The following ACYP2 variants were observed in gnomAD, a reference collection of about 807,000 sequenced individuals.
ACYP2 encodes the protein acylphosphatase 2, also known as acylphosphatase-2.
In ACYP2, 12 loss-of-function variants were observed where a neutral mutation model predicts 11.2. That is an observed-to-expected ratio of 1.08 (90% CI 0.69 to 1.74). The LOEUF is 1.74. ACYP2 is among the 40% of genes most tolerant of loss of function. The probability of loss-of-function intolerance (pLI) is 0.00; values close to 1 mark genes in which losing one functional copy is unlikely to be tolerated. For missense variants in ACYP2, 134 were observed against 101.9 expected (o/e 1.31, Z -1.35); for synonymous variants, 43 against 32.2 (o/e 1.33, Z -1.13).
intron 4 of ACYP2, among the ~76,000 whole-genome samples, chr2:54,099,120 T>C (rs1318094834): frequency 6.6e-6 from 1 of 152,230 alleles, no homozygotes; most frequent in Non-Finnish European, 1.5e-5. Flanking sequence ...TCACCTGCTG[T>C]TCCTTTTTTC....
At chr2:54,298,989 C>A (rs369410382) in intron 6 of ACYP2, among the ~76,000 whole-genome samples, 103 of 152,222 alleles carry the variant, frequency 6.8e-4, no homozygotes, top group African/African-American at 2.4e-3. Context: ...CTGACCTCAA[C>A]TGATCCACCC....
chr2:53,976,207 CATA>C (rs1671477628), intron 2 of ACYP2, among the ~76,000 whole-genome samples: 1 of 152,116 alleles, frequency 6.6e-6, no homozygotes, highest in Admixed American at 6.6e-5. Context: ...TTGCCAGAAA[CATA>C]ATCTTTTTTT....
At chr2:54,069,386 G>T (rs1171285190) in intron 4 of ACYP2, among the ~76,000 whole-genome samples, 2 of 152,158 alleles carry the variant, frequency 1.3e-5, no homozygotes, top group African/African-American at 4.8e-5. Context: ...ATACAGGCTG[G>T]GCACGGTGGC....
intron 6 of ACYP2, among the ~76,000 whole-genome samples, chr2:54,258,359 A>G (rs901609423): frequency 6.6e-6 from 1 of 152,206 alleles, no homozygotes; most frequent in African/African-American, 2.4e-5. Context: ...GCATTTCAGC[A>G]CGAGAAGTGC....
intron 2 of ACYP2, among the ~76,000 whole-genome samples, chr2:53,984,097 A>T (rs746673980): frequency 6.6e-6 from 1 of 152,142 alleles, no homozygotes; most frequent in African/African-American, 2.4e-5. Flanking sequence ...CATCATCATA[A>T]CAAAGGTACC....
At chr2:54,035,265 C>CTTT (rs895749612) in intron 2 of ACYP2, among the ~76,000 whole-genome samples, 4 of 126,022 alleles carry the variant, frequency 3.2e-5, no homozygotes, top group Non-Finnish European at 6.6e-5. Context: ...TTTTCTTTTT[C>CTTT]TTTTTTTTTT....
chr2:53,997,999 C>G (rs1386002642), intron 2 of ACYP2, among the ~76,000 whole-genome samples: 1 of 152,050 alleles, frequency 6.6e-6, no homozygotes, highest in Non-Finnish European at 1.5e-5. Context: ...ATCAAAAACT[C>G]TTTGAAATGT....
At chr2:54,185,088 T>C (rs957907415) in intron 6 of ACYP2, among the ~76,000 whole-genome samples, 1 of 152,148 alleles carries the variant, frequency 6.6e-6, no homozygotes, top group Admixed American at 6.5e-5. Context: ...GCAATTCTAA[T>C]TATAATGAAA....
chr2:54,070,083 C>A (rs1388479758), intron 4 of ACYP2, among the ~76,000 whole-genome samples: 2 of 152,136 alleles, frequency 1.3e-5, no homozygotes, highest in African/African-American at 4.8e-5. Flanking sequence ...CCAGCCTGAC[C>A]AACATGGAAA....
chr2:54,114,788 T>C (rs1333085385), intron 4 of ACYP2, among the ~76,000 whole-genome samples: 3 of 152,084 alleles, frequency 2.0e-5, no homozygotes, highest in Non-Finnish European at 4.4e-5. Context: ...AAAGACTTCA[T>C]ATTTTTAAAA....
chr2:54,033,309 G>A (rs568061505), intron 2 of ACYP2, among the ~76,000 whole-genome samples: 17 of 151,288 alleles, frequency 1.1e-4, no homozygotes, highest in Non-Finnish European at 1.8e-4. Flanking sequence ...GCTATCTTCC[G>A]ACCTCACCCT....
chr2:54,104,366 C>T (rs1483727415), intron 4 of ACYP2, among the ~76,000 whole-genome samples: 1 of 152,078 alleles, frequency 6.6e-6, no homozygotes, highest in Non-Finnish European at 1.5e-5. Context: ...CCACTATGTA[C>T]CTTTGGTATT....
rs367645786 is a variant in ACYP2, at chr2:54,276,619, T to TCACACACACACACACACAAACACACA, written c.405-28051_405-28050insAACACACACACACACACACACACACA. 2.7e-3 allele frequency among the ~76,000 whole-genome samples: 399 copies of TCACACACACACACACACAAACACACA among 146,206 alleles called. 1 individual carries two copies. Among genetic ancestry groups the TCACACACACACACACACAAACACACA allele is most frequent in the African/African-American group, 9.3e-3 (374 of 40,022 alleles). On this transcript the variant is annotated intron_variant, in intron 6 of 6. Coordinates refer to ENST00000607452, the MANE Select transcript of ACYP2 (RefSeq NM_001320586.2). ...TTTTCTTTGGGTTCAGATTGTTCTT[T>TCACACACACACACACACAAACACACA]CACACACACACACACACACACACAC...
intron 6 of ACYP2, among the ~76,000 whole-genome samples, chr2:54,204,449 A>T (rs1684992189): frequency 3.3e-5 from 5 of 152,120 alleles, no homozygotes; most frequent in Admixed American, 3.3e-4. Flanking sequence ...TTGCCTGGAC[A>T]CAAGATTCTT....
intron 6 of ACYP2, among the ~76,000 whole-genome samples, chr2:54,185,426 G>T (rs983767654): frequency 2.0e-5 from 3 of 152,088 alleles, no homozygotes; most frequent in African/African-American, 7.2e-5. Context: ...TGGTATTGAG[G>T]GCCATTGTTT....
chr2:53,973,199 A>G (rs1011039489), intron 1 of ACYP2, among the ~76,000 whole-genome samples: 2 of 152,230 alleles, frequency 1.3e-5, no homozygotes, highest in Non-Finnish European at 2.9e-5. Context: ...GATAAAGCGC[A>G]TAAGAACAGT....
chr2:54,149,756 C>T (rs1682060947), intron 6 of ACYP2, among the ~76,000 whole-genome samples: 1 of 152,074 alleles, frequency 6.6e-6, no homozygotes. Context: ...CTCTGCACTT[C>T]AAAGGATTAT....
chr2:54,016,092 C>G (rs1186759638), intron 2 of ACYP2, among the ~76,000 whole-genome samples: 1 of 151,982 alleles, frequency 6.6e-6, no homozygotes, highest in Non-Finnish European at 1.5e-5. Flanking sequence ...TCCTGTTCCA[C>G]CTAAATTGCT....
intron 6 of ACYP2, among the ~76,000 whole-genome samples, chr2:54,159,526 T>TA (rs1682613789): frequency 6.6e-6 from 1 of 152,118 alleles, no homozygotes; most frequent in Non-Finnish European, 1.5e-5. Context: ...TTTGAATAGT[T>TA]AAAGTATTTT....
Sources: gnomAD v4.1 joint callset for allele counts (sites outside exome capture counted in the v4.1 genomes callset) on GRCh38, gnomAD v4.1.1 for gene constraint, MANE v1.5 for transcripts, NCBI Gene and HGNC (gene_info 2026-07-23, HGNC 2026-07-21) for gene names.